HOOK1: variants seen among roughly 807,000 people sequenced by gnomAD.
HOOK1 encodes protein Hook homolog 1.
A neutral mutation model predicts 112.8 loss-of-function variants in HOOK1; 60 were observed. The observed-to-expected ratio is 0.53, with a 90% CI of 0.43 to 0.66. The LOEUF (loss-of-function observed/expected upper bound fraction) is 0.66, where lower values mean the gene tolerates loss of function less well. Among genes scored for constraint, HOOK1 ranks in the 30% least tolerant of loss-of-function variants. The probability of loss-of-function intolerance (pLI) is 0.00; values close to 1 mark genes in which losing one functional copy is unlikely to be tolerated. For missense variants in HOOK1, 770 were observed against 856.0 expected, an observed-to-expected ratio of 0.90 and a Z score of 1.25; for synonymous variants, 294 against 283.8, an observed-to-expected ratio of 1.04 and a Z score of -0.36.
chr1:59,873,019 T>C lies in HOOK1; in HGVS notation c.*54T>C. On this transcript the variant is annotated 3_prime_UTR_variant, in exon 22 of 22. Coordinates refer to ENST00000371208, the MANE Select transcript of HOOK1 (RefSeq NM_015888.6). Reference sequence around the variant, plus strand: ...AAACCACATAAAATAGAAGTGTCCTTAAAATATTTTGTACCTTTCAACTAA... The same window carrying C: ...AAACCACATAAAATAGAAGTGTCCTCAAAATATTTTGTACCTTTCAACTAA... The C allele has an allele frequency of 7.8e-7, 1 of 1,284,482 alleles. No individual in the cohort carries two copies. The allele number at this position is 1,284,482 out of a possible 1,614,324, so 79.6% of individuals were successfully genotyped here. A position where few individuals can be genotyped will look rare whatever the true frequency, so the allele number is the denominator to read the frequency against.
intron 1 of HOOK1, among the ~76,000 whole-genome samples, chr1:59,817,079 G>A (rs995869325): frequency 2.6e-5 from 4 of 152,118 alleles, no homozygotes; most frequent in Admixed American, 6.5e-5. Flanking sequence ...AAACGTTATT[G>A]TATCATTTGT....
intron 3 of HOOK1, among the ~76,000 whole-genome samples, chr1:59,829,276 A>G (rs1357969288): frequency 6.6e-6 from 1 of 151,972 alleles, no homozygotes; most frequent in Non-Finnish European, 1.5e-5. Flanking sequence ...CATTAGACTG[A>G]TATTTTGTGG....
At chr1:59,840,282 A>G (rs761122514) in intron 7 of HOOK1, 26 bp from the exon 8 acceptor site, 57 of 1,495,092 alleles carry the variant, frequency 3.8e-5, no homozygotes, top group Non-Finnish European at 4.9e-5. Context: ...ACGATTTACT[A>G]AGATTTAGGA....
chr1:59,832,156 A>C lies in HOOK1; in HGVS notation c.223-7A>C. ...GAAATAAGAATCTCTTATTTTTTTC[A>C]CATTAGGCCAGTAATGTAAAGAAGG... On this transcript the variant is annotated splice_region_variant and splice_polypyrimidine_tract_variant and intron_variant, in intron 3 of 21. Transcript: ENST00000371208. 1 of 1,452,788 alleles carries C rather than the reference A, an allele frequency of 6.9e-7. No individual in the cohort carries two copies. Among genetic ancestry groups the C allele is most frequent in the East Asian group, 2.4e-5 (1 of 41,558 alleles). 90.0% of individuals were successfully genotyped at this position (1,452,788 alleles called of 1,614,324 possible).
At position 59,859,056 on chromosome 1, in the gene HOOK1, T is replaced by C. The variant is rs138196840; in HGVS notation, c.1391+11T>C. On this transcript the variant is annotated intron_variant, in intron 14 of 21. Coordinates refer to ENST00000371208, the MANE Select transcript of HOOK1 (RefSeq NM_015888.6). ...GCCAGTGGAATATAGGTAAATTTGT[T>C]TCATAATTTGATAGAATTATATTTA... is the stretch of plus-strand genomic sequence containing the variant. The C allele has an allele frequency of 2.5e-4, 347 of 1,398,850 alleles. 3 individuals are homozygous for C. The African/African-American group carries it at 4.7e-3, about 19-fold the overall frequency. 86.7% of individuals were successfully genotyped at this position (1,398,850 alleles called of 1,614,324 possible). A position where few individuals can be genotyped will look rare whatever the true frequency, so the allele number is the denominator to read the frequency against.
chr1:59,833,726 G>C lies in HOOK1; in HGVS notation c.406+189G>C, dbSNP rs572084051. On this transcript the variant is annotated intron_variant, in intron 5 of 21. Transcript: ENST00000371208. ...TACCTTGAGTGTCCTATTTGTACCT[G>C]GATTCTGATATTCATATTCAGTGGC... is the stretch of plus-strand genomic sequence containing the variant. Among the ~76,000 whole-genome samples, 92 of 152,100 alleles carry C rather than the reference G, an allele frequency of 6.0e-4. 1 individual carries two copies. The highest frequency in any genetic ancestry group is 1.1e-3 in the Non-Finnish European group (73 of 67,966).
At chr1:59,837,021 C>A in intron 7 of HOOK1, 86 bp downstream of exon 7, 1 of 780,216 alleles carries the variant, frequency 1.3e-6, no homozygotes, top group Non-Finnish European at 2.1e-6. Flanking sequence ...ACAAAGAGAG[C>A]ATATACAATA....
intron 9 of HOOK1, among the ~76,000 whole-genome samples, chr1:59,844,078 G>A (rs1183650390): frequency 6.6e-6 from 1 of 151,906 alleles, no homozygotes; most frequent in Non-Finnish European, 1.5e-5. Context: ...ATAAGACCTT[G>A]AGGACAGGCA....
chr1:59,867,508 A>C (rs1643987804), intron 19 of HOOK1, among the ~76,000 whole-genome samples: 1 of 152,162 alleles, frequency 6.6e-6, no homozygotes, highest in South Asian at 2.1e-4. Context: ...TCATTAAATA[A>C]TTTTAAATAT....
chr1:59,826,215 G>T (rs944335684), intron 2 of HOOK1, among the ~76,000 whole-genome samples: 2 of 152,072 alleles, frequency 1.3e-5, no homozygotes, highest in Admixed American at 6.5e-5. Flanking sequence ...CATTAGTCCT[G>T]TGTCCCCTTT....
chr1:59,862,801 T>C lies in HOOK1; in HGVS notation c.1550T>C (p.Ile517Thr). Reference protein sequence around the residue: ...ETEQRLSKERIRELQQQIEDL... With the variant: ...ETEQRLSKERTRELQQQIEDL... ...TACAATAGGCTGAGCAAAGAGCGTA[T>C]TAGAGAATTGCAGCAGCAGATTGAG... The change falls in exon 16 of 22, where the codon ATT (isoleucine) becomes ACT (threonine). Residue 517 changes from isoleucine to threonine, a missense_variant. By Grantham distance (89) the Ile-to-Thr change is moderately conservative (BLOSUM62 -1). Transcript: ENST00000371208. The C allele has an allele frequency of 6.2e-7, 1 of 1,610,634 alleles. No homozygotes were observed. The highest frequency in any genetic ancestry group is 1.1e-5 in the South Asian group (1 of 90,980).
At chr1:59,825,489 C>T (rs2098389191) in intron 2 of HOOK1, among the ~76,000 whole-genome samples, 1 of 152,094 alleles carries the variant, frequency 6.6e-6, no homozygotes, top group Admixed American at 6.5e-5. Context: ...CATGATAAAC[C>T]ATGATAGCCA....
chr1:59,853,784 C>T (rs546121702), intron 12 of HOOK1, among the ~76,000 whole-genome samples: 93 of 151,554 alleles, frequency 6.1e-4, no homozygotes, highest in Non-Finnish European at 9.3e-4. Context: ...CAATTAGCAT[C>T]TTACCTTGAA....
chr1:59,866,974 A>C (rs750803060), intron 19 of HOOK1, among the ~76,000 whole-genome samples: 11 of 152,228 alleles, frequency 7.2e-5, no homozygotes, highest in Non-Finnish European at 1.3e-4. Flanking sequence ...TAAGACCATA[A>C]GATGCCTGAT....
At chr1:59,823,296 G>A (rs1422215337) in intron 2 of HOOK1, among the ~76,000 whole-genome samples, 3 of 152,134 alleles carry the variant, frequency 2.0e-5, no homozygotes, top group East Asian at 1.9e-4. Context: ...CTCCAGCCTG[G>A]GTGACAGAGC....
chr1:59,816,506 A>G (rs555628049), intron 1 of HOOK1, among the ~76,000 whole-genome samples: 3 of 152,332 alleles, frequency 2.0e-5, no homozygotes, highest in African/African-American at 4.8e-5. Context: ...GTAAACCTCA[A>G]TTGACTGAAG....
intron 2 of HOOK1, among the ~76,000 whole-genome samples, chr1:59,827,013 C>T (rs1313322428): frequency 6.6e-6 from 1 of 152,150 alleles, no homozygotes; most frequent in Non-Finnish European, 1.5e-5. Context: ...GATCTGGCTG[C>T]CTCGGCCCCC....
At chr1:59,857,104 G>A (rs1434000974) in intron 12 of HOOK1, among the ~76,000 whole-genome samples, 12 of 152,196 alleles carry the variant, frequency 7.9e-5, no homozygotes, top group East Asian at 7.7e-4. Context: ...CAAATGTCTC[G>A]GAAATATTTC....
intron 1 of HOOK1, among the ~76,000 whole-genome samples, chr1:59,817,939 TAAG>T (rs2098382822): frequency 6.6e-6 from 1 of 152,212 alleles, no homozygotes; most frequent in African/African-American, 2.4e-5. Context: ...CTATTGCCAA[TAAG>T]ACACCAAATC....
Sources: gnomAD v4.1 joint callset for allele counts (sites outside exome capture counted in the v4.1 genomes callset) on GRCh38, gnomAD v4.1.1 for gene constraint, MANE v1.5 for transcripts, NCBI Gene and HGNC (gene_info 2026-07-23, HGNC 2026-07-21) for gene names.